Variants in ZNF16 observed in about 807,000 individuals in gnomAD.
The protein encoded by ZNF16 is zinc finger protein 16.
Under a neutral mutation model 9.0 loss-of-function variants are expected in ZNF16, and 7 were observed. The ratio of observed to expected loss-of-function variants is 0.78; its 90% CI spans 0.44 to 1.47. The LOEUF is 1.47. Ranked by LOEUF, ZNF16 falls within the 40% of genes most tolerant of loss-of-function variation. The probability of loss-of-function intolerance (pLI) is 0.01; values close to 1 mark genes in which losing one functional copy is unlikely to be tolerated. For synonymous variants in ZNF16, 312 were observed against 301.5 expected, an observed-to-expected ratio of 1.03 and a Z score of -0.36; for missense variants, 830 against 854.2, an observed-to-expected ratio of 0.97 and a Z score of 0.35.
chr8:144,941,412 T>C lies in ZNF16; in HGVS notation c.196+4599A>G, dbSNP rs553224529. Among the ~76,000 whole-genome samples, 4 of 152,324 alleles carry C rather than the reference T, an allele frequency of 2.6e-5. No homozygotes were observed. In the East Asian group the frequency reaches 7.7e-4, roughly 29 times the overall value. On this transcript the variant is annotated intron_variant, in intron 2 of 2. Coordinates refer to ENST00000394909, the MANE Select transcript of ZNF16 (RefSeq NM_006958.3). ...TGGAATATTTTTCCACCTTTCACTT[T>C]AAACTTATTGTGTCTTTGAATCTAA...
intron 1 of ZNF16, among the ~76,000 whole-genome samples, chr8:144,949,118 G>A (rs993783149): frequency 7.2e-5 from 11 of 152,256 alleles, no homozygotes; most frequent in Non-Finnish European, 1.3e-4. Context: ...GGCTAAGCCT[G>A]CTCTTTAGGA....
rs372065831 is a variant in ZNF16 at position 144,932,024 on chromosome 8, G to A, written c.763C>T (p.Arg255Cys). The change falls in exon 3 of 3, where the codon CGT becomes TGT. Residue 255 changes from arginine to cysteine, a missense_variant. By Grantham distance (180) the Arg-to-Cys change is radical (BLOSUM62 -3). Coordinates refer to ENST00000394909, the MANE Select transcript of ZNF16 (RefSeq NM_006958.3). This position sits in a 1 kb window ranked among gnomAD's most constrained non-coding sequence, Gnocchi z 5.0. ...TFSQNSVLKN[R>C]HRSHMSEKAY... is the part of the protein sequence containing the mutation. ...TTCTCACTCATATGAGATCGATGAC[G>A]GTTTTTAAGAACTGAGTTCTGGCTG... The A allele has an allele frequency of 8.2e-5, 132 of 1,613,976 alleles. No homozygotes were observed. The highest frequency in any genetic ancestry group is 1.1e-4 in the Non-Finnish European group (124 of 1,180,024).
chr8:144,946,688 TAC>T (rs1386236330), intron 1 of ZNF16, among the ~76,000 whole-genome samples: 4 of 114,586 alleles, frequency 3.5e-5, no homozygotes, highest in Non-Finnish European at 5.4e-5. Flanking sequence ...CTGTGGGCCA[TAC>T]CCTGCTGTGG....
intron 1 of ZNF16, chr8:144,948,334 G>C (rs905172225): frequency 6.6e-6 from 1 of 152,234 alleles, no homozygotes; most frequent in African/African-American, 2.4e-5. Context: ...TGGGAGATGA[G>C]ATTCAAAGCA....
intron 2 of ZNF16, chr8:144,944,654 T>C (rs1361288578): frequency 6.6e-6 from 1 of 152,244 alleles, no homozygotes; most frequent in African/African-American, 2.4e-5. Context: ...ATGGGACATA[T>C]TTTTTTGCTT....
intron 2 of ZNF16, among the ~76,000 whole-genome samples, chr8:144,941,180 T>C (rs1266309252): frequency 1.3e-5 from 2 of 152,222 alleles, no homozygotes; most frequent in Non-Finnish European, 2.9e-5. Context: ...CTGAAGTCTC[T>C]ATTACTATAG....
chr8:144,947,201 T>C (rs1833978816), intron 1 of ZNF16, among the ~76,000 whole-genome samples: 1 of 138,242 alleles, frequency 7.2e-6, no homozygotes, highest in Non-Finnish European at 1.5e-5. Context: ...GCCTGTGTCC[T>C]GCTGTTGGGC....
At chr8:144,935,025 A>G (rs1833648984) in intron 2 of ZNF16, among the ~76,000 whole-genome samples, 1 of 152,158 alleles carries the variant, frequency 6.6e-6, no homozygotes, top group African/African-American at 2.4e-5. Context: ...TAGATAGATC[A>G]AAGTCTTTTA....
At position 144,932,075 on chromosome 8, in the gene ZNF16, TAAAG is replaced by T; in HGVS notation, c.708_711del (p.Phe237CysfsTer23). 1.9e-6 allele frequency: 3 copies of T among 1,613,924 alleles called. No homozygotes were observed. The highest frequency in any genetic ancestry group is 2.5e-6 in the Non-Finnish European group (3 of 1,179,968). ...AAGGTTTTCCCACAATCATCACACA[TAAAG>T]GAAGCCTCCCCAGTGTGGACTATTT... On this transcript the variant is annotated frameshift_variant, in exon 3 of 3. Transcript: ENST00000394909. LOFTEE classifies it low-confidence loss of function (END_TRUNC). This position sits in a 1 kb window ranked among gnomAD's most constrained non-coding sequence, Gnocchi z 5.0.
Position 144,930,458 on chromosome 8 carries a change from A to G in ZNF16, c.*280T>C, listed in dbSNP as rs1227874785. ...TAATAAACTCTATTCATGAATATGCAGCCTCCATAATCTTCTCCCTTGTAA... is the reference window on the plus strand; with the variant it reads ...TAATAAACTCTATTCATGAATATGCGGCCTCCATAATCTTCTCCCTTGTAA... On this transcript the variant is annotated 3_prime_UTR_variant, in exon 3 of 3. Coordinates refer to ENST00000394909, the MANE Select transcript of ZNF16 (RefSeq NM_006958.3). The G allele has an allele frequency of 2.6e-6, 1 of 380,130 alleles. No individual in the cohort carries two copies. 23.5% of individuals were successfully genotyped at this position (380,130 alleles called of 1,614,324 possible). A position where few individuals can be genotyped will look rare whatever the true frequency, so the allele number is the denominator to read the frequency against.
rs376254279 is a variant in ZNF16 at position 144,932,639 on chromosome 8, G to C, written c.197-49C>G. On this transcript the variant is annotated intron_variant, in intron 2 of 2. Coordinates refer to ENST00000394909, the MANE Select transcript of ZNF16 (RefSeq NM_006958.3). This position sits in a 1 kb window ranked among gnomAD's most constrained non-coding sequence, Gnocchi z 5.0. ...CTTGGAAGGCAGTGCTGCAGCAGGAGCAGGAACATAGACAGTCACAGTTGC... is the reference window on the plus strand; with the variant it reads ...CTTGGAAGGCAGTGCTGCAGCAGGACCAGGAACATAGACAGTCACAGTTGC... The C allele has an allele frequency of 3.2e-6, 5 of 1,571,224 alleles. No individual in the cohort carries two copies. The African/African-American group carries it at 6.8e-5, about 21-fold the overall frequency.
At chr8:144,945,388 C>T (rs576045289) in intron 2 of ZNF16, 1 of 152,604 alleles carries the variant, frequency 6.6e-6, no homozygotes, top group South Asian at 2.1e-4. Flanking sequence ...ATCCACCCAC[C>T]TCGGCCTCCC....
In ZNF16 at chr8:144,931,816, T is replaced by C. The variant is rs138870457; in HGVS notation, c.971A>G (p.Asn324Ser). The C allele has an allele frequency of 2.0e-4, 323 of 1,614,178 alleles. 5 individuals are homozygous for C. In the Admixed American group the frequency reaches 4.2e-3, roughly 21 times the overall value. ...SHMSEKPYEC[N>S]ECGKAFRRSS... ...CCGCCTAAAAGCCTTCCCACATTCA[T>C]TGCATTCATAGGGCTTCTCACTCAT... Residue 324 changes from asparagine (N) to serine (S), a missense_variant, in exon 3 of 3, where the codon AAT becomes AGT. Transcript: ENST00000394909.
chr8:144,940,364 C>T (rs1407895638), intron 2 of ZNF16, among the ~76,000 whole-genome samples: 1 of 152,180 alleles, frequency 6.6e-6, no homozygotes, highest in Non-Finnish European at 1.5e-5. Flanking sequence ...CTCTCTCTTC[C>T]TTTTCAACAA....
chr8:144,936,698 T>C (rs557584653), intron 2 of ZNF16, among the ~76,000 whole-genome samples: 1 of 151,202 alleles, frequency 6.6e-6, no homozygotes, highest in African/African-American at 2.4e-5. Context: ...GAGAAATGTT[T>C]ATTCAAGTTC....
rs543699540 is a variant in ZNF16, at chr8:144,933,785, A to G, written c.197-1195T>C. Among the ~76,000 whole-genome samples, 1 of 152,216 alleles carries G rather than the reference A, an allele frequency of 6.6e-6. No individual in the cohort carries two copies. The highest frequency in any genetic ancestry group is 2.4e-5 in the African/African-American group (1 of 41,536). Reference sequence around the variant, plus strand: ...CTGCCTTGCCCAGAGCACTCTCCACATGGCCCTCGTGCTACCCACTTCCCT... The same window carrying G: ...CTGCCTTGCCCAGAGCACTCTCCACGTGGCCCTCGTGCTACCCACTTCCCT... On this transcript the variant is annotated intron_variant, in intron 2 of 2. Transcript: ENST00000394909. The surrounding 1 kb of genome is among the most constrained non-coding windows in gnomAD (Gnocchi z 5.6).
In ZNF16 at chr8:144,933,127, C is replaced by T. The variant is rs1442696138; in HGVS notation, c.197-537G>A. Among the ~76,000 whole-genome samples, 7 of 152,192 alleles carry T rather than the reference C, an allele frequency of 4.6e-5. No individual in the cohort carries two copies. The highest frequency in any genetic ancestry group is 3.9e-4 in the Admixed American group (6 of 15,284). Reference sequence around the variant, plus strand: ...GTCAGTGCATGCTAATGGCACTGAGCTTGGTCTTAGGAGTCACTAGTGTGG... The same window carrying T: ...GTCAGTGCATGCTAATGGCACTGAGTTTGGTCTTAGGAGTCACTAGTGTGG... On this transcript the variant is annotated intron_variant, in intron 2 of 2. Transcript: ENST00000394909. The surrounding 1 kb of genome is among the most constrained non-coding windows in gnomAD (Gnocchi z 5.6).
chr8:144,941,698 AC>A (rs1016183225), intron 2 of ZNF16, among the ~76,000 whole-genome samples: 13 of 149,064 alleles, frequency 8.7e-5, no homozygotes, highest in Admixed American at 8.0e-4. Flanking sequence ...TCTCGCTGTC[AC>A]CCAGGCTGGA....
chr8:144,931,041 GA>G lies in ZNF16; in HGVS notation c.1745del (p.Phe582SerfsTer40). The G allele has an allele frequency of 6.2e-7, 1 of 1,614,238 alleles. No individual in the cohort carries two copies. Among genetic ancestry groups the G allele is most frequent in the Non-Finnish European group, 8.5e-7 (1 of 1,180,036 alleles). On this transcript the variant is annotated frameshift_variant, in exon 3 of 3. Transcript: ENST00000394909. LOFTEE classifies it high-confidence loss of function. Reference sequence around the variant, plus strand: ...GGTGAATGAGATTTGAGCTTCGGTTGAAGGCTTTACCACACTGGTTACATTC... The same window carrying G: ...GGTGAATGAGATTTGAGCTTCGGTTGAGGCTTTACCACACTGGTTACATTC... Reference protein sequence around the residue: ...PHECNQCGKAFNRSSNLIHHQ... With the variant: ...PHECNQCGKAXNRSSNLIHHQ...
Sources: gnomAD v4.1 joint callset for allele counts (sites outside exome capture counted in the v4.1 genomes callset) on GRCh38, gnomAD v4.1.1 for gene constraint, Gnocchi (gnomAD v3.1) non-coding constraint, MANE v1.5 for transcripts, NCBI Gene and HGNC (gene_info 2026-07-23, HGNC 2026-07-21) for gene names.